Variants in CHRM3 observed in about 807,000 individuals in gnomAD.
CHRM3 encodes the protein cholinergic receptor muscarinic 3.
CHRM3 carries 11 observed loss-of-function variants against 41.8 expected under a neutral mutation model. That is an observed-to-expected ratio of 0.26 (90% confidence interval 0.17 to 0.44). CHRM3 has a LOEUF of 0.44. Ranked by LOEUF, CHRM3 falls within the 20% of genes least tolerant of loss-of-function variation. CHRM3 has a pLI of 1.00. For synonymous variants in CHRM3, 297 were observed against 301.4 expected, an observed-to-expected ratio of 0.99 and a Z score of 0.15; for missense variants, 571 against 745.4, an observed-to-expected ratio of 0.77 and a Z score of 2.72.
intron 1 of CHRM3, among the ~76,000 whole-genome samples, chr1:239,456,446 G>A (rs1174021596): frequency 2.6e-5 from 4 of 152,116 alleles, no homozygotes; most frequent in Non-Finnish European, 4.4e-5. Flanking sequence ...CAGGTTAATA[G>A]CCTAGGAGCA....
chr1:239,520,917 A>G (rs1669599393), intron 2 of CHRM3, among the ~76,000 whole-genome samples: 2 of 152,164 alleles, frequency 1.3e-5, no homozygotes, highest in Admixed American at 6.5e-5. Flanking sequence ...GGTTTCCAAT[A>G]TATCCTGATA....
chr1:239,573,160 T>G (rs962256356), intron 3 of CHRM3, among the ~76,000 whole-genome samples: 29 of 152,082 alleles, frequency 1.9e-4, no homozygotes, highest in Admixed American at 7.2e-4. Context: ...ATTCTTTTTT[T>G]CCCCCTACCA....
At chr1:239,606,654 A>G (rs955336396) in intron 3 of CHRM3, among the ~76,000 whole-genome samples, 12 of 152,304 alleles carry the variant, frequency 7.9e-5, no homozygotes, top group African/African-American at 2.6e-4. Context: ...ATAATTTTTA[A>G]GACTGCGAAG....
chr1:239,584,108 C>CTTTTTTTTTTTT (rs769127124), intron 3 of CHRM3, among the ~76,000 whole-genome samples: 1 of 124,424 alleles, frequency 8.0e-6, no homozygotes, highest in African/African-American at 3.2e-5. Flanking sequence ...TCTTCTTCTT[C>CTTTTTTTTTTTT]TTTTTTTTTT....
At chr1:239,794,197 T>TA (rs1410135856) in intron 5 of CHRM3, among the ~76,000 whole-genome samples, 1 of 152,140 alleles carries the variant, frequency 6.6e-6, no homozygotes, top group Admixed American at 6.6e-5. Context: ...TTAAATAAAA[T>TA]AAATGATATA....
chr1:239,454,717 G>C (rs1190381958), intron 1 of CHRM3, among the ~76,000 whole-genome samples: 1 of 152,144 alleles, frequency 6.6e-6, no homozygotes, highest in Non-Finnish European at 1.5e-5. Flanking sequence ...GATTTCAAAA[G>C]TTGTAGGAGC....
At chr1:239,721,216 T>C (rs1263020082) in intron 5 of CHRM3, among the ~76,000 whole-genome samples, 1 of 152,000 alleles carries the variant, frequency 6.6e-6, no homozygotes, top group East Asian at 1.9e-4. Context: ...TCTCTCTAAT[T>C]CTGTGAGTGA....
intron 6 of CHRM3, among the ~76,000 whole-genome samples, chr1:239,865,641 A>G (rs1186256805): frequency 6.6e-6 from 1 of 152,156 alleles, no homozygotes; most frequent in Non-Finnish European, 1.5e-5. Flanking sequence ...TTCAGGGGTC[A>G]ACAGGAACTC....
chr1:239,771,042 C>T (rs1364345760), intron 5 of CHRM3, among the ~76,000 whole-genome samples: 1 of 151,228 alleles, frequency 6.6e-6, no homozygotes, highest in Non-Finnish European at 1.5e-5. Flanking sequence ...GAGCCAAGAT[C>T]ATCCTACTGC....
intron 5 of CHRM3, among the ~76,000 whole-genome samples, chr1:239,795,722 T>G (rs1669714096): frequency 6.6e-6 from 1 of 152,252 alleles, no homozygotes; most frequent in African/African-American, 2.4e-5. Flanking sequence ...TAGGAAAGCA[T>G]TGAAAAGATT....
At chr1:239,858,626 C>G (rs975947851) in intron 6 of CHRM3, among the ~76,000 whole-genome samples, 1 of 151,732 alleles carries the variant, frequency 6.6e-6, no homozygotes, top group South Asian at 2.1e-4. Context: ...AAATTAGTCA[C>G]GAATCATTTT....
chr1:239,801,192 A>G (rs979866860), intron 5 of CHRM3, among the ~76,000 whole-genome samples: 1 of 152,218 alleles, frequency 6.6e-6, no homozygotes, highest in Non-Finnish European at 1.5e-5. Flanking sequence ...TCTGAAGTTC[A>G]TACTATTGTT....
At chr1:239,536,526 A>G (rs1051448706) in intron 2 of CHRM3, among the ~76,000 whole-genome samples, 7 of 152,252 alleles carry the variant, frequency 4.6e-5, no homozygotes, top group Non-Finnish European at 1.0e-4. Flanking sequence ...ATAGACACAG[A>G]CACGTGCATA....
At chr1:239,388,624 A>G (rs142788869) in intron 1 of CHRM3, among the ~76,000 whole-genome samples, 103 of 152,374 alleles carry the variant, frequency 6.8e-4, no homozygotes, top group African/African-American at 2.4e-3. Context: ...ATACCTGCAT[A>G]TAAGCGTATT....
At chr1:239,885,231 C>T (rs1234313511) in intron 6 of CHRM3, among the ~76,000 whole-genome samples, 1 of 152,196 alleles carries the variant, frequency 6.6e-6, no homozygotes, top group Non-Finnish European at 1.5e-5. Flanking sequence ...ATGTGATAGT[C>T]CTCTAGGACT....
intron 2 of CHRM3, among the ~76,000 whole-genome samples, chr1:239,493,904 G>T (rs77899685): frequency 7.2e-4 from 109 of 152,270 alleles, no homozygotes; most frequent in African/African-American, 2.6e-3. Context: ...ACACAGGAAA[G>T]AATTCACCAG....
intron 4 of CHRM3, among the ~76,000 whole-genome samples, chr1:239,637,354 TA>T (rs1294321097): frequency 6.6e-6 from 1 of 152,200 alleles, no homozygotes; most frequent in African/African-American, 2.4e-5. Context: ...TATTTCACGT[TA>T]AAAATTTTAA....
chr1:239,840,000 A>T (rs1673659268), intron 6 of CHRM3, among the ~76,000 whole-genome samples: 1 of 152,116 alleles, frequency 6.6e-6, no homozygotes, highest in Admixed American at 6.5e-5. Context: ...ATTTTTTATT[A>T]ATTAATTATT....
At chr1:239,860,758 C>G (rs551858608) in intron 6 of CHRM3, among the ~76,000 whole-genome samples, 30 of 152,268 alleles carry the variant, frequency 2.0e-4, no homozygotes, top group African/African-American at 6.0e-4. Flanking sequence ...TGGAGCATTT[C>G]AGATTAGGGA....
Sources: gnomAD v4.1 joint callset for allele counts (sites outside exome capture counted in the v4.1 genomes callset) on GRCh38, gnomAD v4.1.1 for gene constraint, MANE v1.5 for transcripts, NCBI Gene and HGNC (gene_info 2026-07-23, HGNC 2026-07-21) for gene names.